The following GPC5 variants were observed in gnomAD, a reference collection of about 807,000 sequenced individuals.
The protein encoded by GPC5 is glypican 5.
A neutral mutation model predicts 53.9 loss-of-function variants in GPC5; 47 were observed. The observed-to-expected ratio is 0.87, with a 90% CI of 0.69 to 1.11. GPC5 has a LOEUF of 1.11. GPC5 is among the 50% of genes most tolerant of loss of function. The pLI is 0.00. For missense variants in GPC5, 748 were observed against 713.1 expected (o/e 1.05, Z -0.56); for synonymous variants, 286 against 263.3 (o/e 1.09, Z -0.84).
At chr13:91,989,057 A>G (rs933319448) in intron 6 of GPC5, among the ~76,000 whole-genome samples, 1 of 149,688 alleles carries the variant, frequency 6.7e-6, no homozygotes, top group Non-Finnish European at 1.5e-5. Flanking sequence ...AAATGCAGTC[A>G]AGTCTCCTGT....
rs138497190 is a variant in GPC5 at position 91,704,276 on chromosome 13, A to T, written c.1020+10395A>T. On this transcript the variant is annotated intron_variant, in intron 3 of 7. Transcript: ENST00000377067. Reference sequence around the variant, plus strand: ...CTTTGTCTCTTTTTACAGTTTTGACATAAAGTCTATTTCATCTAAGTACCA... The same window carrying T: ...CTTTGTCTCTTTTTACAGTTTTGACTTAAAGTCTATTTCATCTAAGTACCA... 5.9e-3 allele frequency among the ~76,000 whole-genome samples: 904 copies of T among 152,304 alleles called. 4 individuals carry two copies. Among genetic ancestry groups the T allele is most frequent in the Non-Finnish European group, 0.01 (687 of 68,022 alleles).
chr13:91,721,487 T>C (rs1291307380), intron 3 of GPC5, among the ~76,000 whole-genome samples: 1 of 152,098 alleles, frequency 6.6e-6, no homozygotes, highest in Non-Finnish European at 1.5e-5. Context: ...TGACAGCCAG[T>C]GTGATATTTT....
intron 7 of GPC5, among the ~76,000 whole-genome samples, chr13:92,861,002 A>G (rs936788833): frequency 6.6e-6 from 1 of 152,112 alleles, no homozygotes; most frequent in Non-Finnish European, 1.5e-5. Flanking sequence ...ACTCTCAAGG[A>G]AACACAGCAA....
intron 6 of GPC5, among the ~76,000 whole-genome samples, chr13:92,065,747 T>G (rs1032533531): frequency 1.3e-5 from 2 of 152,176 alleles, no homozygotes; most frequent in African/African-American, 4.8e-5. Context: ...ACCAAATCCT[T>G]TATCTATTTT....
intron 2 of GPC5, among the ~76,000 whole-genome samples, chr13:91,542,210 T>C (rs890905427): frequency 7.9e-5 from 12 of 152,094 alleles, no homozygotes; most frequent in Non-Finnish European, 1.3e-4. Context: ...ACTTTATGTA[T>C]CAAAATTACA....
At position 91,632,956 on chromosome 13, in the gene GPC5, C is replaced by T. The variant is rs116174723; in HGVS notation, c.326-60231C>T. On this transcript the variant is annotated intron_variant, in intron 2 of 7. Coordinates refer to ENST00000377067, the MANE Select transcript of GPC5 (RefSeq NM_004466.6). ...TTCTGGTGAGAGTTAGTTATCATAG[C>T]CTCCATGGCCTAGAGTGGAGCATAC... Among the ~76,000 whole-genome samples the T allele has an allele frequency of 5.1e-3, 778 of 152,194 alleles. 9 individuals are homozygous for T. The highest frequency in any genetic ancestry group is 0.018 in the African/African-American group (755 of 41,546).
At chr13:92,789,805 T>C (rs913404101) in intron 7 of GPC5, among the ~76,000 whole-genome samples, 2 of 152,076 alleles carry the variant, frequency 1.3e-5, no homozygotes, top group African/African-American at 4.8e-5. Context: ...TTAGGGAATA[T>C]TGACACACAA....
chr13:92,846,939 T>C (rs932066673), intron 7 of GPC5, among the ~76,000 whole-genome samples: 2 of 152,216 alleles, frequency 1.3e-5, no homozygotes, highest in African/African-American at 4.8e-5. Flanking sequence ...GTTAGAACTA[T>C]ACACCTCAAA....
At chr13:91,588,629 C>T (rs55967676) in intron 2 of GPC5, among the ~76,000 whole-genome samples, 23,043 of 152,088 alleles carry the variant, frequency 0.15, 2,461 homozygotes, top group African/African-American at 0.29. Flanking sequence ...TACATCTTCA[C>T]CTATCCTTTC....
chr13:91,937,601 G>GT (rs1374380885), intron 6 of GPC5, among the ~76,000 whole-genome samples: 1 of 152,002 alleles, frequency 6.6e-6, no homozygotes, highest in African/African-American at 2.4e-5. Context: ...TCCACACTAG[G>GT]TTTTTACAAA....
chr13:92,578,534 G>A (rs915817335), intron 7 of GPC5, among the ~76,000 whole-genome samples: 32 of 152,282 alleles, frequency 2.1e-4, no homozygotes, highest in Admixed American at 8.5e-4. Context: ...AGTCTGTAGC[G>A]TAATGCGGTC....
intron 7 of GPC5, among the ~76,000 whole-genome samples, chr13:92,561,572 C>A (rs577769289): frequency 6.6e-6 from 1 of 152,008 alleles, no homozygotes; most frequent in African/African-American, 2.4e-5. Flanking sequence ...GTCATTTATT[C>A]ATTTCCACAC....
chr13:92,472,609 A>G (rs1187150100), intron 7 of GPC5, among the ~76,000 whole-genome samples: 1 of 152,138 alleles, frequency 6.6e-6, no homozygotes, highest in Non-Finnish European at 1.5e-5. Flanking sequence ...AAGTAGTTTA[A>G]CAAATACTTA....
intron 7 of GPC5, among the ~76,000 whole-genome samples, chr13:92,153,482 A>G (rs1040408739): frequency 3.3e-5 from 5 of 152,344 alleles, no homozygotes; most frequent in Middle Eastern, 3.4e-3. Flanking sequence ...TTATGAATAC[A>G]TAACTCATTT....
At chr13:92,356,435 C>T (rs895747375) in intron 7 of GPC5, among the ~76,000 whole-genome samples, 2 of 152,268 alleles carry the variant, frequency 1.3e-5, no homozygotes, top group African/African-American at 4.8e-5. Flanking sequence ...AAAGTCGAAA[C>T]AGAAAAACCA....
At chr13:92,692,867 A>G (rs537610813) in intron 7 of GPC5, among the ~76,000 whole-genome samples, 1 of 149,806 alleles carries the variant, frequency 6.7e-6, no homozygotes, top group South Asian at 2.1e-4. Context: ...TATAAGCACT[A>G]ATATGGTTTG....
intron 7 of GPC5, among the ~76,000 whole-genome samples, chr13:92,206,430 G>T (rs1320018282): frequency 6.6e-6 from 1 of 151,610 alleles, no homozygotes; most frequent in Admixed American, 6.6e-5. Flanking sequence ...CTCCCAAAGT[G>T]CTGGGAGCTC....
chr13:91,583,037 T>TA (rs1447137038), intron 2 of GPC5, among the ~76,000 whole-genome samples: 1 of 152,060 alleles, frequency 6.6e-6, no homozygotes, highest in Non-Finnish European at 1.5e-5. Context: ...CTATTTATAG[T>TA]AAAAACATTT....
chr13:91,998,337 G>A (rs1041267187), intron 6 of GPC5, among the ~76,000 whole-genome samples: 1 of 152,150 alleles, frequency 6.6e-6, no homozygotes, highest in Non-Finnish European at 1.5e-5. Flanking sequence ...ATCTTGGCCT[G>A]ATGGCATTTC....
Sources: gnomAD v4.1 joint callset for allele counts (sites outside exome capture counted in the v4.1 genomes callset) on GRCh38, gnomAD v4.1.1 for gene constraint, MANE v1.5 for transcripts, NCBI Gene and HGNC (gene_info 2026-07-23, HGNC 2026-07-21) for gene names.